CARMIL1: variants seen among roughly 807,000 people sequenced by gnomAD.
The protein encoded by CARMIL1 is capping protein regulator and myosin 1 linker 1.
Under a neutral mutation model 177.1 loss-of-function variants are expected in CARMIL1, and 90 were observed. The ratio of observed to expected loss-of-function variants is 0.51; its 90% CI spans 0.43 to 0.61. CARMIL1 has a LOEUF of 0.61. CARMIL1 is among the 20% of genes least tolerant of loss of function. The probability of loss-of-function intolerance (pLI) is 0.00; values close to 1 mark genes in which losing one functional copy is unlikely to be tolerated. For synonymous variants in CARMIL1, 577 were observed against 606.2 expected (o/e 0.95, Z 0.71); for missense variants, 1,380 against 1,667.0 (o/e 0.83, Z 3.00).
At chr6:25,471,335 T>G (rs562497830) in intron 10 of CARMIL1, 78 bp downstream of exon 10, 169 of 1,044,928 alleles carry the variant, frequency 1.6e-4, no homozygotes, top group Non-Finnish European at 2.1e-4. Flanking sequence ...TTCATAGTTT[T>G]TTTTTTTTTT....
rs764292631 is a variant in CARMIL1, at chr6:25,279,866, C to G, written c.40+31C>G. On this transcript the variant is annotated intron_variant, in intron 1 of 36. Coordinates refer to ENST00000329474, the MANE Select transcript of CARMIL1 (RefSeq NM_017640.6). ...ATTCACGCGGTTGTTGGTTTTCCAC[C>G]TTCCTCTGCGTACTCCTCACCTCTC... The G allele has an allele frequency of 3.1e-6, 5 of 1,612,150 alleles. No individual in the cohort carries two copies. In the South Asian group the frequency reaches 5.5e-5, roughly 18 times the overall value.
At chr6:25,526,296 T>C (rs1286675864) in intron 23 of CARMIL1, among the ~76,000 whole-genome samples, 1 of 151,680 alleles carries the variant, frequency 6.6e-6, no homozygotes, top group East Asian at 1.9e-4. Context: ...TGAGCCGAGA[T>C]TGCGCCACTG....
chr6:25,532,759 C>T (rs1360496086), intron 24 of CARMIL1, among the ~76,000 whole-genome samples: 2 of 152,040 alleles, frequency 1.3e-5, no homozygotes, highest in South Asian at 2.1e-4. Flanking sequence ...GTTTTTGATG[C>T]CTTCTTTTCC....
Position 25,426,494 on chromosome 6 carries a change from A to C in CARMIL1, c.190-7A>C. 1.2e-6 allele frequency: 2 copies of C among 1,608,206 alleles called. No homozygotes were observed. The highest frequency in any genetic ancestry group is 1.7e-6 in the Non-Finnish European group (2 of 1,177,424). Reference sequence around the variant, plus strand: ...TCTTTTCTTTCCTCCTTTCCCCTCAATTGCAGCTCGAGTTAACCTTCAGCT... The same window carrying C: ...TCTTTTCTTTCCTCCTTTCCCCTCACTTGCAGCTCGAGTTAACCTTCAGCT... On this transcript the variant is annotated splice_region_variant and splice_polypyrimidine_tract_variant and intron_variant, in intron 3 of 36. Coordinates refer to ENST00000329474, the MANE Select transcript of CARMIL1 (RefSeq NM_017640.6).
intron 2 of CARMIL1, among the ~76,000 whole-genome samples, chr6:25,322,718 C>T (rs1056110168): frequency 6.6e-6 from 1 of 152,216 alleles, no homozygotes; most frequent in Non-Finnish European, 1.5e-5. Flanking sequence ...TGGACTGAAG[C>T]TCTCTAAAGA....
intron 5 of CARMIL1, among the ~76,000 whole-genome samples, chr6:25,443,320 C>T (rs577729228): frequency 6.6e-6 from 1 of 152,308 alleles, no homozygotes; most frequent in African/African-American, 2.4e-5. Context: ...TTCCAAATTG[C>T]CAGATTCTGT....
intron 16 of CARMIL1, among the ~76,000 whole-genome samples, chr6:25,496,391 TCGCTTGAAC>T (rs1358146553): frequency 6.7e-6 from 1 of 149,252 alleles, no homozygotes; most frequent in Non-Finnish European, 1.5e-5. Flanking sequence ...GGTGGGAGAA[TCGCTTGAAC>T]CCGGGAGGCG....
intron 29 of CARMIL1, among the ~76,000 whole-genome samples, chr6:25,557,243 C>CT (rs1810706249): frequency 6.6e-6 from 1 of 152,124 alleles, no homozygotes; most frequent in South Asian, 2.1e-4. Flanking sequence ...TGTTACACAA[C>CT]TTTTTGACAA....
At chr6:25,413,471 G>A (rs546766129) in intron 2 of CARMIL1, among the ~76,000 whole-genome samples, 63 of 152,326 alleles carry the variant, frequency 4.1e-4, no homozygotes, top group African/African-American at 1.4e-3. Flanking sequence ...TCTAATAAGT[G>A]TGCAATGAGC....
chr6:25,432,804 C>T (rs1363958337), intron 4 of CARMIL1: 2 of 152,074 alleles, frequency 1.3e-5, no homozygotes, highest in African/African-American at 2.4e-5. Context: ...ATTAGTAAAA[C>T]GTGCTGCCCT....
At chr6:25,319,811 C>T (rs189003155) in intron 2 of CARMIL1, among the ~76,000 whole-genome samples, 59 of 147,826 alleles carry the variant, frequency 4.0e-4, no homozygotes, top group African/African-American at 1.5e-3. Context: ...CTCTGTCACC[C>T]AGGCTGGAGT....
intron 13 of CARMIL1, among the ~76,000 whole-genome samples, chr6:25,490,739 AAAT>A (rs1803133794): frequency 7.9e-6 from 1 of 126,066 alleles, no homozygotes; most frequent in African/African-American, 4.2e-5. Flanking sequence ...ATAAATAAAT[AAAT>A]AAATAAATAA....
chr6:25,437,758 C>T (rs6900224), intron 5 of CARMIL1, among the ~76,000 whole-genome samples: 124,147 of 152,206 alleles, frequency 0.82, 50,842 homozygotes, highest in Admixed American at 0.87. Context: ...CTGAGCCGTG[C>T]TCATCTCTTG....
At chr6:25,589,632 T>C (rs1481622657) in intron 31 of CARMIL1, among the ~76,000 whole-genome samples, 1 of 152,116 alleles carries the variant, frequency 6.6e-6, no homozygotes, top group Non-Finnish European at 1.5e-5. Context: ...GGATTACAGG[T>C]GTGCACCACC....
At chr6:25,436,721 C>G (rs1236935340) in intron 5 of CARMIL1, among the ~76,000 whole-genome samples, 1 of 152,198 alleles carries the variant, frequency 6.6e-6, no homozygotes, top group African/African-American at 2.4e-5. Context: ...AAGGCTTGCC[C>G]TGTGCTTGCT....
intron 2 of CARMIL1, among the ~76,000 whole-genome samples, chr6:25,311,909 A>G (rs925668316): frequency 6.6e-6 from 1 of 152,366 alleles, no homozygotes; most frequent in East Asian, 1.9e-4. Flanking sequence ...CTCAGGAGGC[A>G]TTAGCCGCCT....
chr6:25,430,627 C>T (rs553008527), intron 4 of CARMIL1, among the ~76,000 whole-genome samples: 122 of 152,080 alleles, frequency 8.0e-4, no homozygotes, highest in Non-Finnish European at 1.4e-3. Flanking sequence ...GACAGGGTTT[C>T]TCTGCATTGC....
intron 4 of CARMIL1, among the ~76,000 whole-genome samples, chr6:25,427,668 G>T (rs1796391127): frequency 6.6e-6 from 1 of 152,024 alleles, no homozygotes; most frequent in African/African-American, 2.4e-5. Context: ...ATTTTACATT[G>T]TCCCCAGCAG....
intron 2 of CARMIL1, chr6:25,370,092 G>A (rs1208197990): frequency 6.6e-6 from 1 of 152,182 alleles, no homozygotes; most frequent in Admixed American, 6.5e-5. Flanking sequence ...GTTACAGTAA[G>A]CATAAAAACA....
Sources: allele counts gnomAD v4.1 joint callset (sites outside exome capture counted in the v4.1 genomes callset), GRCh38; gene constraint gnomAD v4.1.1; transcripts MANE v1.5; gene names NCBI Gene and HGNC (gene_info 2026-07-23, HGNC 2026-07-21).